Variants in AWAT1 observed in about 807,000 individuals in gnomAD.
AWAT1 encodes the protein acyl-CoA wax alcohol acyltransferase 1.
A neutral mutation model predicts 21.6 loss-of-function variants in AWAT1; 26 were observed. That is an observed-to-expected ratio of 1.20 (90% CI 0.88 to 1.67). The LOEUF (loss-of-function observed/expected upper bound fraction) is 1.67, where lower values mean the gene tolerates loss of function less well. Among genes scored for constraint, AWAT1 ranks in the 40% most tolerant of loss-of-function variants. The pLI, the probability that AWAT1 is intolerant of heterozygous loss-of-function variation, is 0.00. For synonymous variants in AWAT1, 102 were observed against 99.3 expected (o/e 1.03, Z -0.16); for missense variants, 264 against 249.4 (o/e 1.06, Z -0.39).
intron 5 of AWAT1, among the ~76,000 whole-genome samples, chrX:70,239,201 C>T (rs1184623472): frequency 1.8e-5 from 2 of 112,504 alleles, no homozygotes; most frequent in Non-Finnish European, 3.8e-5. Context: ...CTGCATCCCC[C>T]ACTGTGCCCT....
At chrX:70,235,366 A>C (rs1181927347) in intron 1 of AWAT1, among the ~76,000 whole-genome samples, 1 of 110,301 alleles carries the variant, frequency 9.1e-6, no homozygotes, top group East Asian at 2.8e-4. Context: ...TGGCTTAACG[A>C]GGGATGACGG....
At chrX:70,235,587 T>C (rs2085510734) in intron 1 of AWAT1, 129 bp from the exon 2 acceptor site, 1 of 524,838 alleles carries the variant, frequency 1.9e-6, no homozygotes, top group Non-Finnish European at 3.4e-6. Flanking sequence ...ACATGGATGA[T>C]GAACAGGACC....
intron 5 of AWAT1, 109 bp downstream of exon 5, chrX:70,238,492 ACC>A: frequency 1.2e-6 from 1 of 854,741 alleles, no homozygotes; most frequent in African/African-American, 2.0e-5. Flanking sequence ...GGAACATACT[ACC>A]AAGTAAGAAA....
chrX:70,236,045 C>T (rs1178622154), intron 2 of AWAT1, 24 bp from the exon 3 acceptor site: 2 of 1,178,311 alleles, frequency 1.7e-6, no homozygotes, highest in African/African-American at 3.5e-5. Flanking sequence ...CTGACATCAT[C>T]CCCTACTTCT....
intron 3 of AWAT1, 57 bp downstream of exon 3, chrX:70,236,196 T>C: frequency 2.1e-6 from 2 of 958,302 alleles, no homozygotes; most frequent in Non-Finnish European, 3.0e-6. Flanking sequence ...TAGGCATTTA[T>C]ACCACATGAC....
chrX:70,240,246 A>G lies in AWAT1; in HGVS notation c.943A>G (p.Thr315Ala). ...ALHKLFDQHK[T>A]HYGCSETQKL... ...GCACAAACTGTTCGACCAGCATAAG[A>G]CCCACTATGGCTGCTCAGAGACCCA... The change falls in exon 7 of 7, where the codon ACC (threonine) becomes GCC (alanine). Residue 315 changes from threonine to alanine, a missense_variant. Coordinates refer to ENST00000374521, the MANE Select transcript of AWAT1 (RefSeq NM_001013579.3). The G allele has an allele frequency of 8.3e-7, 1 of 1,211,243 alleles. No individual in the cohort carries two copies. Among genetic ancestry groups the G allele is most frequent in the Admixed American group, 2.2e-5 (1 of 45,989 alleles).
Position 70,240,434 on chromosome X carries a change from C to T in AWAT1, c.*144C>T. The T allele has an allele frequency of 1.6e-6, 1 of 638,833 alleles. No individual in the cohort carries two copies. Among genetic ancestry groups the T allele is most frequent in the Non-Finnish European group, 2.4e-6 (1 of 423,532 alleles). 52.6% of individuals were successfully genotyped at this position (638,833 alleles called of 1,213,427 possible). ...AGGAATTCCTTCTTTGCCTTCTTGC[C>T]ACAGGGTCCTTACAGGAATTCTTTC... On this transcript the variant is annotated 3_prime_UTR_variant, in exon 7 of 7. Transcript: ENST00000374521.
intron 1 of AWAT1, 87 bp downstream of exon 1, chrX:70,234,858 T>G: frequency 2.3e-6 from 2 of 851,164 alleles, no homozygotes; most frequent in Non-Finnish European, 3.4e-6. Flanking sequence ...CCATGTGAAG[T>G]CTCATTTTGA....
In AWAT1 at chrX:70,240,452, A is replaced by T. The variant is rs2085533780; in HGVS notation, c.*162A>T. ...TTCTTGCCACAGGGTCCTTACAGGA[A>T]TTCTTTCTGAAGAGCTGCACACAGT... is the stretch of plus-strand genomic sequence containing the variant. On this transcript the variant is annotated 3_prime_UTR_variant, in exon 7 of 7. Coordinates refer to ENST00000374521, the MANE Select transcript of AWAT1 (RefSeq NM_001013579.3). 2 of 551,393 alleles carry T rather than the reference A, an allele frequency of 3.6e-6. No individual in the cohort carries two copies. The highest frequency in any genetic ancestry group is 5.7e-6 in the Non-Finnish European group (2 of 352,041). 45.4% of individuals were successfully genotyped at this position (551,393 alleles called of 1,213,427 possible).
At chrX:70,235,897 C>A in intron 2 of AWAT1, 74 bp downstream of exon 2, 1 of 1,003,358 alleles carries the variant, frequency 1.0e-6, no homozygotes, top group Non-Finnish European at 1.4e-6. Context: ...CGCCATACCA[C>A]AGGCCCCTCA....
Position 70,237,092 on chromosome X carries a change from G to T in AWAT1, c.304G>T (p.Val102Phe), listed in dbSNP as rs2085517425. 1.7e-6 allele frequency: 2 copies of T among 1,207,807 alleles called. No homozygotes were observed. Among genetic ancestry groups the T allele is most frequent in the African/African-American group, 1.7e-5 (1 of 57,624 alleles). ...ACCTGAGCACAACTACCTCATGGGG[G>T]TTCACCCCCATGGCCTCCTGACCTT... is the stretch of plus-strand genomic sequence containing the variant. The part of the protein sequence containing the change: ...LSPEHNYLMG[V>F]HPHGLLTFGA... Residue 102 changes from valine (V) to phenylalanine (F), a missense_variant, in exon 4 of 7, where the codon GTT becomes TTT. Val to Phe is a conservative substitution (Grantham distance 50). Transcript: ENST00000374521.
At position 70,240,379 on chromosome X, in the gene AWAT1, G is replaced by C; in HGVS notation, c.*89G>C. Reference sequence around the variant, plus strand: ...CTAACCAAAGACAGGCAGGAGATGAGGGAGGTTATATGTGGTAGGGGAGGG... The same window carrying C: ...CTAACCAAAGACAGGCAGGAGATGACGGAGGTTATATGTGGTAGGGGAGGG... On this transcript the variant is annotated 3_prime_UTR_variant, in exon 7 of 7. Transcript: ENST00000374521. 1 of 1,023,197 alleles carries C rather than the reference G, an allele frequency of 9.8e-7. No homozygotes were observed. The highest frequency in any genetic ancestry group is 1.3e-6 in the Non-Finnish European group (1 of 745,105). The allele number at this position is 1,023,197 out of a possible 1,213,427, so 84.3% of individuals were successfully genotyped here.
rs1389459707 is a variant in AWAT1 at position 70,234,882 on chromosome X, C to A, written c.76+111C>A. 5.3e-5 allele frequency: 35 copies of A among 664,619 alleles called. No individual in the cohort carries two copies. The Admixed American group carries it at 8.9e-4, about 17-fold the overall frequency. 54.8% of individuals were successfully genotyped at this position (664,619 alleles called of 1,213,427 possible). ...GTCTCATTTTGAGCCTTTCCATCAT[C>A]TAAGATTGTACTAGAGAGTAAAACC... is the stretch of plus-strand genomic sequence containing the variant. On this transcript the variant is annotated intron_variant, in intron 1 of 6. Transcript: ENST00000374521.
intron 2 of AWAT1, 108 bp downstream of exon 2, chrX:70,235,931 G>T (rs762031058): frequency 2.2e-6 from 2 of 921,930 alleles, no homozygotes; most frequent in South Asian, 2.1e-5. Context: ...AGCCACAGGA[G>T]CTCGGCCAAA....
In AWAT1 at chrX:70,238,917, A is replaced by C. The variant is rs189440921; in HGVS notation, c.632+534A>C. Among the ~76,000 whole-genome samples, 42 of 112,836 alleles carry C rather than the reference A, an allele frequency of 3.7e-4. No homozygotes were observed. In the South Asian group the frequency reaches 8.9e-3, roughly 24 times the overall value. ...CCTGGCACACTGTAAGAGATCAATAAATGTTAGTATTTGTGATTTAGGGGT... is the reference window on the plus strand; with the variant it reads ...CCTGGCACACTGTAAGAGATCAATACATGTTAGTATTTGTGATTTAGGGGT... On this transcript the variant is annotated intron_variant, in intron 5 of 6. Transcript: ENST00000374521.
Position 70,237,169 on chromosome X carries a change from C to T in AWAT1, c.381C>T (p.Phe127=), listed in dbSNP as rs1379951896. 8.3e-7 allele frequency: 1 copy of T among 1,208,840 alleles called. No homozygotes were observed. Among genetic ancestry groups the T allele is most frequent in the Admixed American group, 2.2e-5 (1 of 45,791 alleles). ...AGGCCACAGGCTTCTCGAAGACCTT[C>T]CCAGGCATCACTCCTCACTTGGCCA... ...CTEATGFSKT[F]PGITPHLATL... The change falls in exon 4 of 7, where the codon TTC becomes TTT. Residue 127 remains phenylalanine, a synonymous_variant. Coordinates refer to ENST00000374521, the MANE Select transcript of AWAT1 (RefSeq NM_001013579.3).
In AWAT1 at chrX:70,239,884, G is replaced by A; in HGVS notation, c.782G>A (p.Cys261Tyr). ...TGTGTCTTCTATGGACAAAGCTTCT[G>A]TCAAGGCTCCACTGGGCTCCTGCCA... The part of the protein sequence containing the change: ...YCCVFYGQSF[C>Y]QGSTGLLPYS... The change falls in exon 6 of 7, where the codon TGT becomes TAT. Residue 261 changes from cysteine (C) to tyrosine (Y), a missense_variant. Transcript: ENST00000374521. 1 of 1,210,938 alleles carries A rather than the reference G, an allele frequency of 8.3e-7. No individual in the cohort carries two copies. Among genetic ancestry groups the A allele is most frequent in the Non-Finnish European group, 1.1e-6 (1 of 895,192 alleles).
chrX:70,238,449 C>A, intron 5 of AWAT1, 66 bp downstream of exon 5: 1 of 1,036,124 alleles, frequency 9.7e-7, no homozygotes. Context: ...GTCGGTGAGG[C>A]CAGGATGAAT....
At chrX:70,238,826 G>A (rs889751070) in intron 5 of AWAT1, among the ~76,000 whole-genome samples, 7 of 112,344 alleles carry the variant, frequency 6.2e-5, no homozygotes, top group Admixed American at 9.4e-5. Flanking sequence ...GCTAAGAACT[G>A]TACCTACTCC....
Sources: gnomAD v4.1 joint callset for allele counts (sites outside exome capture counted in the v4.1 genomes callset) on GRCh38, gnomAD v4.1.1 for gene constraint, MANE v1.5 for transcripts, NCBI Gene and HGNC (gene_info 2026-07-23, HGNC 2026-07-21) for gene names.